Variants in SNAP25 observed in about 807,000 individuals in gnomAD.
SNAP25 encodes synaptosomal-associated protein 25.
A neutral mutation model predicts 28.7 loss-of-function variants in SNAP25; 3 were observed. That is an observed-to-expected ratio of 0.10 (90% confidence interval 0.05 to 0.27). The LOEUF (loss-of-function observed/expected upper bound fraction) is 0.27. Ranked by LOEUF, SNAP25 falls within the 10% of genes least tolerant of loss-of-function variation. SNAP25 has a pLI of 1.00. For synonymous variants in SNAP25, 61 were observed against 88.1 expected (o/e 0.69, Z 1.72); for missense variants, 117 against 278.7 (o/e 0.42, Z 4.13).
chr20:10,258,732 G>T (rs779557572), intron 1 of SNAP25, among the ~76,000 whole-genome samples: 1 of 152,172 alleles, frequency 6.6e-6, no homozygotes, highest in Non-Finnish European at 1.5e-5. Context: ...CGATATTTGG[G>T]TAAATCCAAT....
intron 1 of SNAP25, among the ~76,000 whole-genome samples, chr20:10,252,651 GA>G (rs948494811): frequency 2.0e-5 from 3 of 151,642 alleles, no homozygotes; most frequent in African/African-American, 7.3e-5. Context: ...AAAGCTGTTA[GA>G]AAAAAATAGT....
At chr20:10,301,477 A>G (rs1443811557) in intron 7 of SNAP25, among the ~76,000 whole-genome samples, 1 of 152,132 alleles carries the variant, frequency 6.6e-6, no homozygotes, top group African/African-American at 2.4e-5. Context: ...CATTGCCCCA[A>G]ATGATCATGT....
At chr20:10,296,639 C>G (rs1193585886) in intron 5 of SNAP25, 3 of 396,456 alleles carry the variant, frequency 7.6e-6, no homozygotes, top group Non-Finnish European at 1.4e-5. Context: ...TACCTTAATC[C>G]TTGTCCAAAA....
intron 7 of SNAP25, among the ~76,000 whole-genome samples, chr20:10,301,628 A>G (rs2064238603): frequency 6.6e-6 from 1 of 151,916 alleles, no homozygotes; most frequent in African/African-American, 2.4e-5. Context: ...GAGTCTTATG[A>G]TGTTTCTCTC....
chr20:10,262,948 A>G (rs1031727450), intron 1 of SNAP25, among the ~76,000 whole-genome samples: 27 of 150,966 alleles, frequency 1.8e-4, no homozygotes, highest in Admixed American at 6.6e-4. Flanking sequence ...GTAGTGGGTC[A>G]AAAGCTCCCA....
intron 3 of SNAP25, 54 bp downstream of exon 3, chr20:10,277,780 T>C: frequency 1.3e-6 from 2 of 1,497,182 alleles, no homozygotes; most frequent in Admixed American, 1.7e-5. Flanking sequence ...TGCTGATACA[T>C]CCTTTCCTAG....
chr20:10,294,238 T>A (rs185180707), intron 5 of SNAP25, among the ~76,000 whole-genome samples: 1 of 152,204 alleles, frequency 6.6e-6, no homozygotes, highest in South Asian at 2.1e-4. Flanking sequence ...GCTTTTAGAA[T>A]AGAAATTGAC....
chr20:10,221,001 T>C (rs2062622544), intron 1 of SNAP25, among the ~76,000 whole-genome samples: 1 of 152,268 alleles, frequency 6.6e-6, no homozygotes. Flanking sequence ...GGTGGACATT[T>C]ATATATGAGT....
At chr20:10,267,341 A>T (rs2063522186) in intron 1 of SNAP25, among the ~76,000 whole-genome samples, 1 of 152,194 alleles carries the variant, frequency 6.6e-6, no homozygotes, top group African/African-American at 2.4e-5. Context: ...TATAAAAGGA[A>T]CAACACAATA....
intron 1 of SNAP25, among the ~76,000 whole-genome samples, chr20:10,251,148 A>T (rs2063219111): frequency 6.6e-6 from 1 of 152,236 alleles, no homozygotes; most frequent in Non-Finnish European, 1.5e-5. Flanking sequence ...ACAATTATTT[A>T]CTTGCTGCTT....
chr20:10,272,510 A>C (rs2063613515), intron 1 of SNAP25, among the ~76,000 whole-genome samples: 1 of 152,096 alleles, frequency 6.6e-6, no homozygotes, highest in Admixed American at 6.5e-5. Flanking sequence ...CTAAAATTTC[A>C]TTTTTGTGCA....
chr20:10,265,854 C>T (rs572410864), intron 1 of SNAP25, among the ~76,000 whole-genome samples: 31 of 152,138 alleles, frequency 2.0e-4, no homozygotes, highest in Non-Finnish European at 4.1e-4. Context: ...AAACTTAGTG[C>T]TTGATATGTT....
At chr20:10,264,810 A>T (rs1272547076) in intron 1 of SNAP25, among the ~76,000 whole-genome samples, 2 of 151,956 alleles carry the variant, frequency 1.3e-5, no homozygotes, top group Non-Finnish European at 2.9e-5. Context: ...GAAAATGCAG[A>T]TGCTAGCCCG....
intron 1 of SNAP25, among the ~76,000 whole-genome samples, chr20:10,242,909 T>C (rs959335663): frequency 1.3e-5 from 2 of 152,262 alleles, no homozygotes; most frequent in African/African-American, 2.4e-5. Flanking sequence ...TATCTGATCC[T>C]GTTTCTGAGA....
intron 6 of SNAP25, among the ~76,000 whole-genome samples, chr20:10,298,141 A>C (rs2064155263): frequency 6.6e-6 from 1 of 152,074 alleles, no homozygotes; most frequent in African/African-American, 2.4e-5. Flanking sequence ...GTTTGGGCCC[A>C]ATCCACACCA....
intron 1 of SNAP25, among the ~76,000 whole-genome samples, chr20:10,232,558 TTCTG>T (rs1169247528): frequency 6.6e-6 from 1 of 152,240 alleles, no homozygotes; most frequent in Non-Finnish European, 1.5e-5. Flanking sequence ...TCTTTCACCT[TTCTG>T]TGCTCACACT....
At chr20:10,264,532 C>A (rs1201192947) in intron 1 of SNAP25, among the ~76,000 whole-genome samples, 1 of 152,174 alleles carries the variant, frequency 6.6e-6, no homozygotes, top group Non-Finnish European at 1.5e-5. Context: ...TGGTGTTTAA[C>A]ACATGCTATG....
chr20:10,302,288 G>A (rs77508848), intron 7 of SNAP25, among the ~76,000 whole-genome samples: 2,276 of 152,248 alleles, frequency 0.015, 49 homozygotes, highest in African/African-American at 0.051. Context: ...ACAGGCACAC[G>A]TTGGAATACA....
intron 5 of SNAP25, among the ~76,000 whole-genome samples, chr20:10,294,652 T>G (rs8123337): frequency 6.6e-6 from 1 of 152,102 alleles, no homozygotes; most frequent in Non-Finnish European, 1.5e-5. Flanking sequence ...CAAGGAAAGA[T>G]TCAATCAGGT....
Sources: gnomAD v4.1 joint callset for allele counts (sites outside exome capture counted in the v4.1 genomes callset) on GRCh38, gnomAD v4.1.1 for gene constraint, MANE v1.5 for transcripts, NCBI Gene and HGNC (gene_info 2026-07-23, HGNC 2026-07-21) for gene names.